The following THSD7B variants were observed in gnomAD, a reference collection of about 807,000 sequenced individuals.
THSD7B encodes thrombospondin type 1 domain containing 7B, also known as thrombospondin type-1 domain-containing protein 7B.
THSD7B carries 138 observed loss-of-function variants against 213.6 expected under a neutral mutation model. The ratio of observed to expected loss-of-function variants is 0.65; its 90% confidence interval spans 0.56 to 0.74. The LOEUF (loss-of-function observed/expected upper bound fraction) is 0.74. Among genes scored for constraint, THSD7B ranks in the 30% least tolerant of loss-of-function variants. The probability of loss-of-function intolerance (pLI) is 0.00; values close to 1 mark genes in which losing one functional copy is unlikely to be tolerated. For missense variants in THSD7B, 1,931 were observed against 1,991.5 expected, an observed-to-expected ratio of 0.97 and a Z score of 0.58; for synonymous variants, 742 against 687.0, an observed-to-expected ratio of 1.08 and a Z score of -1.25.
intron 3 of THSD7B, among the ~76,000 whole-genome samples, chr2:137,072,466 T>C (rs903208680): frequency 6.6e-6 from 1 of 152,154 alleles, no homozygotes; most frequent in African/African-American, 2.4e-5. Context: ...ATCCTGAGAC[T>C]TTGCTGAAGT....
At chr2:137,202,386 A>G (rs1023800511) in intron 7 of THSD7B, among the ~76,000 whole-genome samples, 2 of 152,128 alleles carry the variant, frequency 1.3e-5, no homozygotes, top group African/African-American at 4.8e-5. Context: ...AAGTGTCCTC[A>G]TAAGAAGGAG....
At chr2:137,330,576 C>T (rs1375671614) in intron 12 of THSD7B, among the ~76,000 whole-genome samples, 1 of 152,004 alleles carries the variant, frequency 6.6e-6, no homozygotes, top group Non-Finnish European at 1.5e-5. Context: ...AGTGAAGCTG[C>T]AGACCTTCGC....
intron 2 of THSD7B, among the ~76,000 whole-genome samples, chr2:136,888,945 GT>G (rs55799333): frequency 0.59 from 72,847 of 123,252 alleles, 19,418 homozygotes; most frequent in Non-Finnish European, 0.67. Flanking sequence ...GTCTTTTGGG[GT>G]GTGTGTGTGT....
At chr2:136,972,023 C>T (rs1187797972) in intron 2 of THSD7B, among the ~76,000 whole-genome samples, 2 of 152,190 alleles carry the variant, frequency 1.3e-5, no homozygotes, top group Non-Finnish European at 2.9e-5. Flanking sequence ...TCTGATACCT[C>T]TTATAATCTA....
chr2:137,381,288 C>G (rs535725559), intron 12 of THSD7B, among the ~76,000 whole-genome samples: 106 of 152,288 alleles, frequency 7.0e-4, no homozygotes, highest in African/African-American at 2.1e-3. Context: ...GCAGAGAGCA[C>G]CAAGAAAGAA....
At chr2:137,636,989 A>G (rs1682845481) in intron 20 of THSD7B, among the ~76,000 whole-genome samples, 1 of 152,208 alleles carries the variant, frequency 6.6e-6, no homozygotes, top group Non-Finnish European at 1.5e-5. Flanking sequence ...TGCCTGGCAC[A>G]TCAGCTAGTT....
At position 136,970,051 on chromosome 2, in the gene THSD7B, C is replaced by T. The variant is rs141058764; in HGVS notation, c.140-86369C>T. 2.3e-3 allele frequency among the ~76,000 whole-genome samples: 343 copies of T among 152,078 alleles called. 1 individual carries two copies. The highest frequency in any genetic ancestry group is 0.02 in the Middle Eastern group (6 of 294). ...AGAGAAATAGGAGAAAATATTTTAT[C>T]CAGAAAGTAATATCAGGATGCTTTA... is the stretch of plus-strand genomic sequence containing the variant. On this transcript the variant is annotated intron_variant, in intron 2 of 27. Coordinates refer to ENST00000409968, the MANE Select transcript of THSD7B (RefSeq NM_001316349.2).
intron 2 of THSD7B, among the ~76,000 whole-genome samples, chr2:137,006,094 T>A (rs1473990322): frequency 3.9e-5 from 6 of 152,136 alleles, no homozygotes; most frequent in Non-Finnish European, 7.4e-5. Flanking sequence ...TCTGAGCTGT[T>A]TTAATAAATA....
intron 14 of THSD7B, among the ~76,000 whole-genome samples, chr2:137,412,611 C>A (rs13005880): frequency 0.85 from 82,329 of 96,294 alleles, 35,068 homozygotes; most frequent in East Asian, 0.94. Context: ...AAAAAAAAAA[C>A]AAAAAAAAAC....
At chr2:137,122,788 A>G (rs560618919) in intron 5 of THSD7B, among the ~76,000 whole-genome samples, 7 of 151,930 alleles carry the variant, frequency 4.6e-5, no homozygotes, top group African/African-American at 1.7e-4. Flanking sequence ...TCCCTCACAC[A>G]TTTACTCCCT....
intron 20 of THSD7B, among the ~76,000 whole-genome samples, chr2:137,640,791 AT>A (rs1377460325): frequency 1.3e-5 from 2 of 152,248 alleles, no homozygotes; most frequent in East Asian, 3.9e-4. Context: ...ATATAACATA[AT>A]ATCACATCAA....
At chr2:137,459,453 G>A (rs1687835984) in intron 15 of THSD7B, among the ~76,000 whole-genome samples, 1 of 152,092 alleles carries the variant, frequency 6.6e-6, no homozygotes, top group Non-Finnish European at 1.5e-5. Context: ...ATCACCTGAG[G>A]TCAGGAGTTC....
intron 15 of THSD7B, among the ~76,000 whole-genome samples, chr2:137,523,071 T>C (rs1211393969): frequency 6.6e-6 from 1 of 152,196 alleles, no homozygotes; most frequent in Non-Finnish European, 1.5e-5. Flanking sequence ...CAAGGAGTCA[T>C]GTACTTTTCT....
intron 7 of THSD7B, among the ~76,000 whole-genome samples, chr2:137,203,262 C>T (rs542182353): frequency 1.6e-4 from 24 of 152,048 alleles, no homozygotes; most frequent in South Asian, 8.3e-4. Flanking sequence ...AAAATGAGAA[C>T]TCTTATCTTC....
rs184052892 is a variant in THSD7B, at chr2:137,095,264, A to G, written c.1199+143A>G. 1.6e-3 allele frequency: 1,879 copies of G among 1,196,252 alleles called. 5 individuals carry two copies. Among genetic ancestry groups the G allele is most frequent in the South Asian group, 5.0e-3 (310 of 62,248 alleles). 74.1% of individuals were successfully genotyped at this position (1,196,252 alleles called of 1,614,324 possible). ...AGTTCCATACTTGGCAGCATAGGAG[A>G]GCGGGTTAAGATCATGGGCTTTGGT... On this transcript the variant is annotated intron_variant, in intron 4 of 27. Transcript: ENST00000409968.
At chr2:136,855,580 C>A (rs186663387) in intron 1 of THSD7B, among the ~76,000 whole-genome samples, 1 of 130,518 alleles carries the variant, frequency 7.7e-6, no homozygotes, top group African/African-American at 2.8e-5. Context: ...TGCGTGCCAC[C>A]GCATCCGGCT....
At chr2:137,589,750 A>G (rs919374334) in intron 17 of THSD7B, among the ~76,000 whole-genome samples, 2 of 152,224 alleles carry the variant, frequency 1.3e-5, no homozygotes, top group Non-Finnish European at 2.9e-5. Context: ...CGTGTAGAAT[A>G]CTTTTTCCTA....
intron 12 of THSD7B, among the ~76,000 whole-genome samples, chr2:137,344,427 G>A (rs1298492928): frequency 1.3e-5 from 2 of 151,690 alleles, no homozygotes; most frequent in African/African-American, 4.8e-5. Context: ...ATTTACAGAT[G>A]TGTTTGCTGC....
At chr2:136,942,432 A>G (rs1021731772) in intron 2 of THSD7B, among the ~76,000 whole-genome samples, 1 of 152,144 alleles carries the variant, frequency 6.6e-6, no homozygotes, top group East Asian at 1.9e-4. Context: ...TCTATAAATT[A>G]TCTTGGGCAG....
Sources: allele counts gnomAD v4.1 joint callset (sites outside exome capture counted in the v4.1 genomes callset), GRCh38; gene constraint gnomAD v4.1.1; transcripts MANE v1.5; gene names NCBI Gene and HGNC (gene_info 2026-07-23, HGNC 2026-07-21).